Variants in LINGO2 observed in about 807,000 individuals in gnomAD.
The protein encoded by LINGO2 is leucine-rich repeat and immunoglobulin-like domain-containing nogo receptor-interacting protein 2.
In LINGO2, 14 loss-of-function variants were observed where a neutral mutation model predicts 30.6. The observed-to-expected ratio is 0.46, with a 90% CI of 0.30 to 0.72. LINGO2 has a LOEUF of 0.72. Ranked by LOEUF, LINGO2 falls within the 30% of genes least tolerant of loss-of-function variation. The pLI, the probability that LINGO2 is intolerant of heterozygous loss-of-function variation, is 0.07. For missense variants in LINGO2, 729 were observed against 751.7 expected, an observed-to-expected ratio of 0.97 and a Z score of 0.35; for synonymous variants, 317 against 288.5, an observed-to-expected ratio of 1.10 and a Z score of -1.00.
the LINGO2 span, among the ~76,000 whole-genome samples, chr9:29,089,728 T>C: frequency 2.0e-5 from 3 of 152,084 alleles, no homozygotes; most frequent in South Asian, 2.1e-4. Context: ...TTTCATGAGT[T>C]AGTGAGTGAA....
intron 3 of LINGO2, among the ~76,000 whole-genome samples, chr9:28,349,825 A>G (rs1037940050): frequency 6.6e-5 from 10 of 152,080 alleles, no homozygotes; most frequent in Non-Finnish European, 1.3e-4. Context: ...ACAAGCCAGA[A>G]GAGACTGGGG....
intron 1 of LINGO2, among the ~76,000 whole-genome samples, chr9:28,542,909 G>T (rs78968100): frequency 0.022 from 3,407 of 152,114 alleles, 132 homozygotes; most frequent in African/African-American, 0.077. Flanking sequence ...GTAATTCAGG[G>T]TCTGAAAGAA....
At position 28,149,972 on chromosome 9, in the gene LINGO2, G is replaced by A. The variant is rs371279149; in HGVS notation, c.-86-137567C>T. On this transcript the variant is annotated intron_variant, in intron 4 of 5. Coordinates refer to ENST00000379992, the Ensembl canonical transcript of LINGO2. ...GGCCTCCTCACCGTCTGGGAAATGAGGAGCGCCTCTGCCTTGCCGCTGTCC... is the reference window on the plus strand; with the variant it reads ...GGCCTCCTCACCGTCTGGGAAATGAAGAGCGCCTCTGCCTTGCCGCTGTCC... Among the ~76,000 whole-genome samples, 6 of 151,284 alleles carry A rather than the reference G, an allele frequency of 4.0e-5. No homozygotes were observed. The South Asian group carries it at 6.3e-4, about 16-fold the overall frequency.
At chr9:28,330,843 T>A (rs1441442005) in intron 3 of LINGO2, among the ~76,000 whole-genome samples, 1 of 152,146 alleles carries the variant, frequency 6.6e-6, no homozygotes, top group Non-Finnish European at 1.5e-5. Flanking sequence ...AATTTTGGAT[T>A]AGAAAAATAA....
chr9:28,324,498 A>C (rs546315004), intron 3 of LINGO2, among the ~76,000 whole-genome samples: 101 of 152,324 alleles, frequency 6.6e-4, no homozygotes, highest in African/African-American at 2.4e-3. Context: ...ACAGGTCATA[A>C]AGACCTTGCT....
chr9:29,158,381 G>A, the LINGO2 span, among the ~76,000 whole-genome samples: 1 of 151,346 alleles, frequency 6.6e-6, no homozygotes, highest in South Asian at 2.1e-4. Context: ...AAAAAGATTA[G>A]GAGATCCTTT....
At chr9:28,986,927 A>G in the LINGO2 span, among the ~76,000 whole-genome samples, 1 of 151,926 alleles carries the variant, frequency 6.6e-6, no homozygotes, top group Non-Finnish European at 1.5e-5. Flanking sequence ...TGTGTATTTT[A>G]TTTTATTTTT....
the LINGO2 span, among the ~76,000 whole-genome samples, chr9:29,136,106 C>A: frequency 2.6e-5 from 4 of 152,156 alleles, no homozygotes; most frequent in African/African-American, 7.2e-5. Flanking sequence ...CTGGCTGACA[C>A]TTTCTTTCAC....
At chr9:28,272,926 G>T (rs1318163399) in intron 4 of LINGO2, among the ~76,000 whole-genome samples, 2 of 152,134 alleles carry the variant, frequency 1.3e-5, no homozygotes, top group Non-Finnish European at 2.9e-5. Flanking sequence ...CTTTAACTTG[G>T]AGAGTTACCC....
chr9:28,844,962 T>C, the LINGO2 span, among the ~76,000 whole-genome samples: 3 of 151,928 alleles, frequency 2.0e-5, no homozygotes, highest in Admixed American at 6.5e-5. Flanking sequence ...ATCCATTGTA[T>C]ACAGAAAATC....
At chr9:28,388,055 AC>A (rs1174954868) in intron 2 of LINGO2, among the ~76,000 whole-genome samples, 1 of 152,122 alleles carries the variant, frequency 6.6e-6, no homozygotes, top group East Asian at 1.9e-4. Context: ...CATTACTCCT[AC>A]CCACCAAAGG....
the LINGO2 span, among the ~76,000 whole-genome samples, chr9:29,186,730 G>C: frequency 6.6e-6 from 1 of 151,784 alleles, no homozygotes; most frequent in African/African-American, 2.4e-5. Flanking sequence ...ACAGTCAGGG[G>C]TTTTAGAAAG....
the LINGO2 span, among the ~76,000 whole-genome samples, chr9:28,696,518 A>T: frequency 6.6e-6 from 1 of 151,916 alleles, no homozygotes. Context: ...CAAATGAATG[A>T]ATGAATTCAT....
the LINGO2 span, among the ~76,000 whole-genome samples, chr9:29,077,975 T>C: frequency 2.6e-5 from 4 of 152,022 alleles, no homozygotes; most frequent in Admixed American, 1.3e-4. Flanking sequence ...AATATCCAAA[T>C]GATTGCTTTT....
chr9:28,661,145 A>AAT (rs372827051), intron 1 of LINGO2, among the ~76,000 whole-genome samples: 9,935 of 150,082 alleles, frequency 0.066, 468 homozygotes, highest in Admixed American at 0.18. Context: ...GATGCAGAAA[A>AAT]ATATATATAT....
chr9:28,621,763 T>G (rs1221421721), intron 1 of LINGO2, among the ~76,000 whole-genome samples: 1 of 152,054 alleles, frequency 6.6e-6, no homozygotes, highest in Non-Finnish European at 1.5e-5. Context: ...AACAGGAATT[T>G]TTTTGTTTCC....
chr9:29,131,937 A>G, the LINGO2 span, among the ~76,000 whole-genome samples: 1 of 151,488 alleles, frequency 6.6e-6, no homozygotes, highest in South Asian at 2.1e-4. Context: ...ATTCCCTGGT[A>G]CAAAAATACC....
chr9:28,977,687 T>G, the LINGO2 span, among the ~76,000 whole-genome samples: 3 of 152,148 alleles, frequency 2.0e-5, no homozygotes, highest in Non-Finnish European at 4.4e-5. Flanking sequence ...AAAATGGCAT[T>G]GTAAGATCCC....
the LINGO2 span, among the ~76,000 whole-genome samples, chr9:28,691,047 T>C: frequency 2.0e-5 from 3 of 152,164 alleles, no homozygotes; most frequent in Non-Finnish European, 4.4e-5. Flanking sequence ...CAGCTCAACA[T>C]CTGCTACACT....
Sources: gnomAD v4.1 joint callset for allele counts (sites outside exome capture counted in the v4.1 genomes callset) on GRCh38, gnomAD v4.1.1 for gene constraint, MANE v1.5 for transcripts, NCBI Gene and HGNC (gene_info 2026-07-23, HGNC 2026-07-21) for gene names.